The following CYYR1 variants were observed in gnomAD, a reference collection of about 807,000 sequenced individuals.
CYYR1 encodes cysteine and tyrosine-rich protein 1.
Under a neutral mutation model 15.2 loss-of-function variants are expected in CYYR1, and 14 were observed. The observed-to-expected ratio is 0.92, with a 90% CI of 0.61 to 1.44. The LOEUF (loss-of-function observed/expected upper bound fraction) is 1.44, where lower values mean the gene tolerates loss of function less well. Ranked by LOEUF, CYYR1 falls within the 40% of genes most tolerant of loss-of-function variation. CYYR1 has a pLI of 0.00. For missense variants in CYYR1, 228 were observed against 209.5 expected, an observed-to-expected ratio of 1.09 and a Z score of -0.54; for synonymous variants, 80 against 77.4, an observed-to-expected ratio of 1.03 and a Z score of -0.18.
intron 2 of CYYR1, among the ~76,000 whole-genome samples, chr21:26,522,225 C>T (rs981026618): frequency 6.6e-6 from 1 of 152,148 alleles, no homozygotes; most frequent in African/African-American, 2.4e-5. Context: ...TAGAAGTTTA[C>T]AGAAGGTACC....
chr21:26,503,988 C>T (rs1177561016), intron 2 of CYYR1, among the ~76,000 whole-genome samples: 1 of 151,752 alleles, frequency 6.6e-6, no homozygotes, highest in Non-Finnish European at 1.5e-5. Flanking sequence ...CTCTGTGGCC[C>T]AAAGGAATTT....
intron 2 of CYYR1, among the ~76,000 whole-genome samples, chr21:26,557,649 G>C (rs1377771202): frequency 6.6e-6 from 1 of 152,078 alleles, no homozygotes; most frequent in Non-Finnish European, 1.5e-5. Context: ...TTGGCTTGCT[G>C]TTCTATTTCT....
intron 2 of CYYR1, among the ~76,000 whole-genome samples, chr21:26,520,938 A>G (rs1278335925): frequency 6.6e-6 from 1 of 152,178 alleles, no homozygotes; most frequent in African/African-American, 2.4e-5. Flanking sequence ...AGGAACAGAA[A>G]ACCAAACACT....
At chr21:26,562,530 C>T (rs919121321) in intron 2 of CYYR1, among the ~76,000 whole-genome samples, 7 of 152,064 alleles carry the variant, frequency 4.6e-5, no homozygotes, top group Non-Finnish European at 8.8e-5. Flanking sequence ...AAAGGTTACT[C>T]GTTCCCCACT....
intron 2 of CYYR1, among the ~76,000 whole-genome samples, chr21:26,540,483 G>T (rs1484682331): frequency 2.0e-5 from 3 of 152,108 alleles, no homozygotes; most frequent in African/African-American, 7.2e-5. Context: ...ATGCAAAGGA[G>T]AAACTATACA....
At chr21:26,515,507 C>T (rs961347041) in intron 2 of CYYR1, among the ~76,000 whole-genome samples, 1 of 152,126 alleles carries the variant, frequency 6.6e-6, no homozygotes, top group South Asian at 2.1e-4. Context: ...ACTATAGTCA[C>T]ATACCATCAT....
At chr21:26,551,839 G>A in intron 2 of CYYR1, 2 of 231,802 alleles carry the variant, frequency 8.6e-6, no homozygotes, top group Non-Finnish European at 1.7e-5. Flanking sequence ...GTAGGGTTTA[G>A]AAGGATTGAC....
At chr21:26,482,218 T>C in intron 2 of CYYR1, 1 of 843,924 alleles carries the variant, frequency 1.2e-6, no homozygotes, top group African/African-American at 1.8e-5. Context: ...AGCCAAGCAA[T>C]GTACCATAGT....
intron 2 of CYYR1, among the ~76,000 whole-genome samples, chr21:26,545,859 A>G (rs567152419): frequency 6.6e-6 from 1 of 152,158 alleles, no homozygotes; most frequent in South Asian, 2.1e-4. Flanking sequence ...CTGAGATTAC[A>G]GTTTATTCTT....
intron 2 of CYYR1, among the ~76,000 whole-genome samples, chr21:26,538,274 A>T (rs911732960): frequency 1.3e-5 from 2 of 152,212 alleles, no homozygotes; most frequent in East Asian, 1.9e-4. Flanking sequence ...GGTATAGTGG[A>T]TAAAATTCCA....
chr21:26,571,834 C>T lies in CYYR1; in HGVS notation c.73+1034G>A, dbSNP rs1282816123. Among the ~76,000 whole-genome samples, 6 of 152,210 alleles carry T rather than the reference C, an allele frequency of 3.9e-5. No individual in the cohort carries two copies. The East Asian group carries it at 1.2e-3, about 29-fold the overall frequency. On this transcript the variant is annotated intron_variant, in intron 1 of 3. Transcript: ENST00000652641. ...ATTAGAAGGTCAGCATTTTTCCTGC[C>T]ATAAAACATCTTTAAAATGGTAACT...
At chr21:26,567,008 CAA>C (rs71183563) in intron 1 of CYYR1, among the ~76,000 whole-genome samples, 21,011 of 129,414 alleles carry the variant, frequency 0.16, 2,485 homozygotes, top group African/African-American at 0.39. Flanking sequence ...GGCTCTGTCT[CAA>C]AAAAAAAAAA....
rs1491365888 is a variant in CYYR1, at chr21:26,520,111, G to GATATAT, written c.177-39683_177-39682insATATAT. On this transcript the variant is annotated intron_variant, in intron 2 of 3. Coordinates refer to ENST00000652641, the MANE Select transcript of CYYR1 (RefSeq NM_001320768.2). ...TTTCTTCTTCTAAAAAAAAACCCAG[G>GATATAT]AGATATATATATATATATATATATA... 1.4e-3 allele frequency among the ~76,000 whole-genome samples: 114 copies of GATATAT among 83,080 alleles called. 6 individuals carry two copies. Among genetic ancestry groups the GATATAT allele is most frequent in the African/African-American group, 2.2e-3 (42 of 19,036 alleles). The allele number at this position is 83,080 out of a possible 152,430, so 54.5% of individuals were successfully genotyped here.
At chr21:26,489,415 T>C (rs1235528030) in intron 2 of CYYR1, among the ~76,000 whole-genome samples, 2 of 152,116 alleles carry the variant, frequency 1.3e-5, no homozygotes, top group Admixed American at 1.3e-4. Flanking sequence ...GACTGAATTA[T>C]CTGAACAAGT....
intron 2 of CYYR1, among the ~76,000 whole-genome samples, chr21:26,558,867 G>A (rs541394373): frequency 6.6e-6 from 1 of 152,080 alleles, no homozygotes; most frequent in East Asian, 1.9e-4. Context: ...CTATCCACTT[G>A]GTCTTCTGAT....
At chr21:26,477,942 G>T in intron 3 of CYYR1, 1 of 1,363,034 alleles carries the variant, frequency 7.3e-7, no homozygotes, top group Non-Finnish European at 9.5e-7. Context: ...TACTTTTGTA[G>T]TGAGTACATT....
intron 2 of CYYR1, among the ~76,000 whole-genome samples, chr21:26,518,900 A>G (rs1340555730): frequency 1.3e-5 from 2 of 152,200 alleles, no homozygotes; most frequent in Admixed American, 1.3e-4. Context: ...GTATCACTGG[A>G]ATCCGTACAA....
intron 2 of CYYR1, among the ~76,000 whole-genome samples, chr21:26,487,357 T>A (rs1015462203): frequency 6.6e-6 from 1 of 152,090 alleles, no homozygotes; most frequent in African/African-American, 2.4e-5. Flanking sequence ...TTAGTCGACT[T>A]ATTTATTTGT....
At chr21:26,504,428 G>A (rs1019867419) in intron 2 of CYYR1, among the ~76,000 whole-genome samples, 6 of 151,816 alleles carry the variant, frequency 4.0e-5, no homozygotes, top group South Asian at 4.1e-4. Context: ...GTACCACCAC[G>A]CCTGGCTAAT....
Sources: allele counts gnomAD v4.1 joint callset (sites outside exome capture counted in the v4.1 genomes callset), GRCh38; gene constraint gnomAD v4.1.1; transcripts MANE v1.5; gene names NCBI Gene and HGNC (gene_info 2026-07-23, HGNC 2026-07-21).